RABGAP1L: variants seen among roughly 807,000 people sequenced by gnomAD.
RABGAP1L encodes RAB GTPase activating protein 1 like.
RABGAP1L carries 63 observed loss-of-function variants against 137.7 expected under a neutral mutation model. The ratio of observed to expected loss-of-function variants is 0.46; its 90% confidence interval spans 0.37 to 0.56. The LOEUF (loss-of-function observed/expected upper bound fraction) is 0.56, where lower values mean the gene tolerates loss of function less well. Ranked by LOEUF, RABGAP1L falls within the 20% of genes least tolerant of loss-of-function variation. The pLI is 0.00. For missense variants in RABGAP1L, 1,095 were observed against 1,244.0 expected (o/e 0.88, Z 1.80); for synonymous variants, 431 against 433.7 (o/e 0.99, Z 0.08).
chr1:174,493,666 G>A (rs531881614), intron 13 of RABGAP1L, among the ~76,000 whole-genome samples: 2 of 151,204 alleles, frequency 1.3e-5, no homozygotes, highest in East Asian at 3.9e-4. Flanking sequence ...CTGAAAATAC[G>A]AAAAATCAGC....
intron 10 of RABGAP1L, among the ~76,000 whole-genome samples, chr1:174,288,976 C>T (rs1438635946): frequency 6.6e-6 from 1 of 152,012 alleles, no homozygotes; most frequent in African/African-American, 2.4e-5. Flanking sequence ...TCTGCTTGGC[C>T]AAGTCTGCTG....
intron 13 of RABGAP1L, among the ~76,000 whole-genome samples, chr1:174,622,290 G>C (rs1672566015): frequency 6.6e-6 from 1 of 152,236 alleles, no homozygotes; most frequent in East Asian, 1.9e-4. Context: ...GTGGAAGTCA[G>C]TGTGGTGATT....
chr1:174,906,782 G>T (rs1019189863), intron 19 of RABGAP1L, among the ~76,000 whole-genome samples: 3 of 151,878 alleles, frequency 2.0e-5, no homozygotes, highest in African/African-American at 7.2e-5. Context: ...TTGAAAAGCA[G>T]CAAGAGAAAA....
Position 174,758,297 on chromosome 1 carries a change from C to A in RABGAP1L, c.2211+5943C>A, listed in dbSNP as rs1181453679. ...CTTTTTTTTTCCTCACTCCTTTTTC[C>A]CCCTAGCCATTAGCTTGGAGTTCTA... On this transcript the variant is annotated intron_variant, in intron 18 of 25. Coordinates refer to ENST00000681986, the MANE Select transcript of RABGAP1L (RefSeq NM_001366446.1). Among the ~76,000 whole-genome samples, 3 of 151,950 alleles carry A rather than the reference C, an allele frequency of 2.0e-5. No homozygotes were observed. In the East Asian group the frequency reaches 5.8e-4, roughly 29 times the overall value.
chr1:174,991,683 ATTTAT>A lies in RABGAP1L; in HGVS notation c.*1686_*1690del, dbSNP rs1279739948. ...TTGTTCTGACATCTTTCATTACAAA[ATTTAT>A]TTTCTTAACAAAAAGGAACATAACC... On this transcript the variant is annotated 3_prime_UTR_variant, in exon 26 of 26. Transcript: ENST00000681986. The A allele has an allele frequency of 2.0e-5, 3 of 152,052 alleles. No homozygotes were observed. The highest frequency in any genetic ancestry group is 4.4e-5 in the Non-Finnish European group (3 of 68,016). 9.4% of individuals were successfully genotyped at this position (152,052 alleles called of 1,614,324 possible). A position where few individuals can be genotyped will look rare whatever the true frequency, so the allele number is the denominator to read the frequency against.
intron 13 of RABGAP1L, among the ~76,000 whole-genome samples, chr1:174,628,458 T>C (rs928928819): frequency 6.6e-6 from 1 of 152,220 alleles, no homozygotes; most frequent in Non-Finnish European, 1.5e-5. Flanking sequence ...TTAATAATTT[T>C]ATTTATTTAA....
Position 174,761,791 on chromosome 1 carries a change from G to A in RABGAP1L, c.2211+9437G>A, listed in dbSNP as rs1685246288. 6.6e-6 allele frequency among the ~76,000 whole-genome samples: 1 copy of A among 152,148 alleles called. No individual in the cohort carries two copies. Among genetic ancestry groups the A allele is most frequent in the African/African-American group, 2.4e-5 (1 of 41,430 alleles). ...CCATGATTCAATTACATTCCACCAA[G>A]TTCCTCCCACAACACATGGGAATTG... On this transcript the variant is annotated intron_variant, in intron 18 of 25. Transcript: ENST00000681986. The surrounding 1 kb of genome is among the most constrained non-coding windows in gnomAD (Gnocchi z 4.0).
chr1:174,488,874 T>C (rs79828662), intron 13 of RABGAP1L, among the ~76,000 whole-genome samples: 17,746 of 151,322 alleles, frequency 0.12, 1,374 homozygotes, highest in South Asian at 0.17. Context: ...CATTAACTCA[T>C]CATTTACATT....
chr1:174,729,267 G>A lies in RABGAP1L; in HGVS notation c.2170-23046G>A, dbSNP rs534983440. Among the ~76,000 whole-genome samples, 27 of 152,170 alleles carry A rather than the reference G, an allele frequency of 1.8e-4. 1 individual carries two copies. The East Asian group carries it at 4.4e-3, about 25-fold the overall frequency. The stretch of plus-strand genomic sequence containing the variant: ...AATAAATGATGCTGGGATAGTTGGC[G>A]AGCCATATGCAAAAGAATGAAACTG... On this transcript the variant is annotated intron_variant, in intron 17 of 25. Coordinates refer to ENST00000681986, the MANE Select transcript of RABGAP1L (RefSeq NM_001366446.1).
intron 19 of RABGAP1L, among the ~76,000 whole-genome samples, chr1:174,922,843 T>A (rs1392646496): frequency 2.0e-5 from 3 of 152,176 alleles, no homozygotes; most frequent in Non-Finnish European, 4.4e-5. Flanking sequence ...CTTAATCTTG[T>A]TGAACCTTGA....
At chr1:174,225,679 C>T (rs6666855) in intron 3 of RABGAP1L, among the ~76,000 whole-genome samples, 606 of 152,184 alleles carry the variant, frequency 4.0e-3, no homozygotes, top group Admixed American at 7.7e-3. Flanking sequence ...TTATCTTCTT[C>T]AGCTCTCTCC....
chr1:174,164,273 C>T (rs918774838), intron 1 of RABGAP1L, among the ~76,000 whole-genome samples: 3 of 151,972 alleles, frequency 2.0e-5, no homozygotes, highest in Admixed American at 2.0e-4. Flanking sequence ...GTTTGTTACT[C>T]CCATTTTTGA....
chr1:174,565,059 G>A (rs1667477516), intron 13 of RABGAP1L, among the ~76,000 whole-genome samples: 2 of 152,172 alleles, frequency 1.3e-5, no homozygotes, highest in Non-Finnish European at 2.9e-5. Context: ...ATTTGTTATT[G>A]AGTATGCAGG....
chr1:174,959,368 T>C (rs544939116), intron 20 of RABGAP1L, among the ~76,000 whole-genome samples: 2 of 152,310 alleles, frequency 1.3e-5, no homozygotes, highest in East Asian at 3.9e-4. Flanking sequence ...CTGTGAAGAG[T>C]GCTTTAAAAT....
chr1:174,427,458 A>G (rs1219214042), intron 13 of RABGAP1L, among the ~76,000 whole-genome samples: 1 of 152,022 alleles, frequency 6.6e-6, no homozygotes, highest in Non-Finnish European at 1.5e-5. Context: ...CTGTCTCTTA[A>G]AAAGGGATTT....
intron 13 of RABGAP1L, chr1:174,544,905 AG>A (rs1330535810): frequency 5.0e-6 from 1 of 200,056 alleles, no homozygotes; most frequent in South Asian, 7.2e-5. Context: ...CACCAGTGGA[AG>A]CTGCAGAACA....
chr1:174,537,996 A>T (rs1572220585), intron 13 of RABGAP1L, among the ~76,000 whole-genome samples: 1 of 152,096 alleles, frequency 6.6e-6, no homozygotes, highest in South Asian at 2.1e-4. Context: ...TTGTTATGTA[A>T]TTTCCTTATT....
intron 15 of RABGAP1L, among the ~76,000 whole-genome samples, chr1:174,684,748 A>G (rs902850176): frequency 9.2e-5 from 14 of 152,198 alleles, no homozygotes; most frequent in Admixed American, 7.9e-4. Flanking sequence ...AGGTTGAGGC[A>G]GGAGGATCAC....
At chr1:174,539,782 A>T (rs1022511991) in intron 13 of RABGAP1L, among the ~76,000 whole-genome samples, 13 of 152,234 alleles carry the variant, frequency 8.5e-5, no homozygotes, top group African/African-American at 2.9e-4. Flanking sequence ...TAACAGCATG[A>T]TTTATAATCC....
Sources: gnomAD v4.1 joint callset for allele counts (sites outside exome capture counted in the v4.1 genomes callset) on GRCh38, gnomAD v4.1.1 for gene constraint, Gnocchi (gnomAD v3.1) non-coding constraint, MANE v1.5 for transcripts, NCBI Gene and HGNC (gene_info 2026-07-23, HGNC 2026-07-21) for gene names.